Variants in ZNF385D observed in about 807,000 individuals in gnomAD.
ZNF385D encodes zinc finger protein 659.
Under a neutral mutation model 35.8 loss-of-function variants are expected in ZNF385D, and 15 were observed. The observed-to-expected ratio is 0.42, with a 90% CI of 0.28 to 0.64. ZNF385D has a LOEUF of 0.64. Among genes scored for constraint, ZNF385D ranks in the 30% least tolerant of loss-of-function variants. ZNF385D has a pLI of 0.23. For synonymous variants in ZNF385D, 212 were observed against 186.8 expected, an observed-to-expected ratio of 1.13 and a Z score of -1.10; for missense variants, 474 against 494.6, an observed-to-expected ratio of 0.96 and a Z score of 0.39.
intron 3 of ZNF385D, among the ~76,000 whole-genome samples, chr3:21,795,261 C>T (rs765901209): frequency 6.6e-6 from 1 of 152,150 alleles, no homozygotes; most frequent in Non-Finnish European, 1.5e-5. Flanking sequence ...TTGCTGTAGG[C>T]CTCAGGGGCC....
chr3:21,873,233 T>C (rs1213043960), intron 3 of ZNF385D, among the ~76,000 whole-genome samples: 1 of 152,006 alleles, frequency 6.6e-6, no homozygotes, highest in Non-Finnish European at 1.5e-5. Flanking sequence ...CAGCATACAA[T>C]GTACTATTAA....
chr3:21,448,804 C>G (rs139183397), intron 4 of ZNF385D, among the ~76,000 whole-genome samples: 13 of 152,218 alleles, frequency 8.5e-5, no homozygotes, highest in East Asian at 5.8e-4. Context: ...ATCATCTCTC[C>G]TGTTATTCCC....
chr3:22,325,906 T>C (rs1235641938), intron 2 of ZNF385D, among the ~76,000 whole-genome samples: 7 of 152,118 alleles, frequency 4.6e-5, no homozygotes, highest in Non-Finnish European at 1.0e-4. Context: ...ATTTAGTATA[T>C]AAAATACAGG....
chr3:21,905,267 G>A (rs918635926), intron 3 of ZNF385D, among the ~76,000 whole-genome samples: 1 of 144,944 alleles, frequency 6.9e-6, no homozygotes, highest in African/African-American at 2.6e-5. Flanking sequence ...GTTATAAAGG[G>A]AAATGCACAA....
intron 3 of ZNF385D, among the ~76,000 whole-genome samples, chr3:22,079,914 A>ATG: frequency 6.6e-6 from 1 of 151,942 alleles, no homozygotes; most frequent in African/African-American, 2.4e-5. Flanking sequence ...GTATGTATGT[A>ATG]TATGTGTGTA....
intron 1 of ZNF385D, among the ~76,000 whole-genome samples, chr3:21,744,900 G>A (rs1346124882): frequency 2.0e-5 from 3 of 152,030 alleles, no homozygotes; most frequent in African/African-American, 7.2e-5. Flanking sequence ...AGCAGCAAAA[G>A]GGACTGTTTC....
intron 5 of ZNF385D, among the ~76,000 whole-genome samples, chr3:21,436,154 T>C (rs1166828683): frequency 6.6e-6 from 1 of 152,076 alleles, no homozygotes. Context: ...TGTGTATGTG[T>C]GTGTGTGTGT....
Position 22,359,196 on chromosome 3 carries a change from T to C in ZNF385D, c.106+13254A>G, listed in dbSNP as rs192949857. ...TTGAATAACATCTCAGTGGTCATTT[T>C]AGGTCTACCATCATTAGTTAATGCT... is the stretch of plus-strand genomic sequence containing the variant. On this transcript the variant is annotated intron_variant, in intron 2 of 5. Coordinates refer to the ZNF385D transcript ENST00000494108. Among the ~76,000 whole-genome samples, 83 of 151,988 alleles carry C rather than the reference T, an allele frequency of 5.5e-4. 1 individual carries two copies. The highest frequency in any genetic ancestry group is 1.9e-3 in the African/African-American group (80 of 41,538).
At chr3:22,003,703 C>T (rs1696003783) in intron 3 of ZNF385D, among the ~76,000 whole-genome samples, 1 of 151,914 alleles carries the variant, frequency 6.6e-6, no homozygotes. Context: ...CATGTCTCTA[C>T]TAAAAATACA....
chr3:22,153,464 C>CTTTTTT (rs769926281), intron 3 of ZNF385D, among the ~76,000 whole-genome samples: 40 of 109,320 alleles, frequency 3.7e-4, no homozygotes, highest in Non-Finnish European at 6.2e-4. Context: ...TGAAATTCTT[C>CTTTTTT]TTTTTTTTTT....
In ZNF385D at chr3:22,057,766, G is replaced by A. The variant is rs562751664; in HGVS notation, c.325+111051C>T. On this transcript the variant is annotated intron_variant, in intron 3 of 5. Transcript: ENST00000494108. Reference sequence around the variant, plus strand: ...TGACCTCAGGTGATCCACCTGCCTCGGCCTCCCAAAGTGCTGGGATTACAG... The same window carrying A: ...TGACCTCAGGTGATCCACCTGCCTCAGCCTCCCAAAGTGCTGGGATTACAG... 3.3e-5 allele frequency among the ~76,000 whole-genome samples: 5 copies of A among 152,074 alleles called. No individual in the cohort carries two copies. The East Asian group carries it at 5.8e-4, about 18-fold the overall frequency.
At chr3:21,692,924 A>G (rs2067331497) in intron 1 of ZNF385D, among the ~76,000 whole-genome samples, 1 of 152,190 alleles carries the variant, frequency 6.6e-6, no homozygotes, top group Admixed American at 6.5e-5. Flanking sequence ...GCTTCCTCCA[A>G]TATACTGCTC....
At chr3:22,075,888 C>T (rs930647507) in intron 3 of ZNF385D, among the ~76,000 whole-genome samples, 10 of 151,894 alleles carry the variant, frequency 6.6e-5, no homozygotes, top group Non-Finnish European at 1.2e-4. Context: ...TTCGTAAATA[C>T]CATCATAATC....
intron 3 of ZNF385D, among the ~76,000 whole-genome samples, chr3:21,789,670 C>T (rs909568218): frequency 2.6e-5 from 4 of 152,088 alleles, no homozygotes; most frequent in Non-Finnish European, 1.5e-5. Flanking sequence ...AAAAGAGCCT[C>T]ATTTGCCTGT....
chr3:22,127,629 C>T (rs1223127284), intron 3 of ZNF385D, among the ~76,000 whole-genome samples: 2 of 151,928 alleles, frequency 1.3e-5, no homozygotes, highest in African/African-American at 4.8e-5. Flanking sequence ...CGTGAGCCAC[C>T]GTGCCTGGCC....
intron 3 of ZNF385D, among the ~76,000 whole-genome samples, chr3:22,125,323 T>C (rs1225552460): frequency 6.6e-6 from 1 of 152,168 alleles, no homozygotes; most frequent in Non-Finnish European, 1.5e-5. Flanking sequence ...TATAGCTCTG[T>C]AGCATAACTT....
At position 22,160,124 on chromosome 3, in the gene ZNF385D, G is replaced by A. The variant is rs534603766; in HGVS notation, c.325+8693C>T. Among the ~76,000 whole-genome samples, 442 of 152,124 alleles carry A rather than the reference G, an allele frequency of 2.9e-3. 5 individuals are homozygous for A. The highest frequency in any genetic ancestry group is 9.9e-3 in the African/African-American group (412 of 41,528). On this transcript the variant is annotated intron_variant, in intron 3 of 5. Coordinates refer to the ZNF385D transcript ENST00000494108. The stretch of plus-strand genomic sequence containing the variant: ...CCTTTGTTTTCCACCATGATTGTAA[G>A]CTTCCTGAGGCCTCCCCAGCCATGT...
At chr3:21,824,146 C>T (rs1418868078) in intron 3 of ZNF385D, among the ~76,000 whole-genome samples, 1 of 152,162 alleles carries the variant, frequency 6.6e-6, no homozygotes, top group Non-Finnish European at 1.5e-5. Flanking sequence ...AACATGACTT[C>T]TTTCAAAATT....
chr3:22,026,650 G>A (rs1486737870), intron 3 of ZNF385D, among the ~76,000 whole-genome samples: 3 of 152,316 alleles, frequency 2.0e-5, no homozygotes, highest in African/African-American at 4.8e-5. Flanking sequence ...TTAGCAGCTG[G>A]CAGAGTCCTC....
Sources: allele counts gnomAD v4.1 joint callset (sites outside exome capture counted in the v4.1 genomes callset), GRCh38; gene constraint gnomAD v4.1.1; transcripts MANE v1.5; gene names NCBI Gene and HGNC (gene_info 2026-07-23, HGNC 2026-07-21).